Variants in EVI5 observed in about 807,000 individuals in gnomAD.
The protein encoded by EVI5 is ecotropic viral integration site 5, also known as ecotropic viral integration site 5 protein homolog.
Under a neutral mutation model 112.0 loss-of-function variants are expected in EVI5, and 73 were observed. The ratio of observed to expected loss-of-function variants is 0.65; its 90% confidence interval spans 0.54 to 0.79. The LOEUF (loss-of-function observed/expected upper bound fraction) is 0.79, where lower values mean the gene tolerates loss of function less well. Ranked by LOEUF, EVI5 falls within the 30% of genes least tolerant of loss-of-function variation. The pLI is 0.00. For synonymous variants in EVI5, 305 were observed against 319.9 expected, an observed-to-expected ratio of 0.95 and a Z score of 0.50; for missense variants, 900 against 968.8, an observed-to-expected ratio of 0.93 and a Z score of 0.94.
At chr1:92,600,534 G>A (rs897257670) in intron 18 of EVI5, among the ~76,000 whole-genome samples, 2 of 152,132 alleles carry the variant, frequency 1.3e-5, no homozygotes, top group African/African-American at 4.8e-5. Flanking sequence ...ACAATTAGTG[G>A]TCCCCAACCT....
chr1:92,715,766 G>T (rs767280253), intron 2 of EVI5, among the ~76,000 whole-genome samples: 19 of 152,110 alleles, frequency 1.2e-4, no homozygotes, highest in Non-Finnish European at 2.6e-4. Context: ...CAAATATTGT[G>T]CTTTTCCAAC....
intron 1 of EVI5, among the ~76,000 whole-genome samples, chr1:92,755,580 T>C (rs1365425257): frequency 3.3e-5 from 5 of 152,180 alleles, no homozygotes; most frequent in Non-Finnish European, 7.3e-5. Context: ...GACTCAGAAA[T>C]CTGTCCCAAT....
chr1:92,561,618 T>C (rs986557696), intron 19 of EVI5, among the ~76,000 whole-genome samples: 15 of 126,978 alleles, frequency 1.2e-4, no homozygotes, highest in South Asian at 2.5e-4. Context: ...CCTATCTATC[T>C]ATCTATCTAT....
At chr1:92,520,464 G>A (rs1328944883) in intron 19 of EVI5, among the ~76,000 whole-genome samples, 3 of 152,116 alleles carry the variant, frequency 2.0e-5, no homozygotes, top group African/African-American at 7.2e-5. Flanking sequence ...TTAGTAGCAT[G>A]GTGGGATAAA....
At chr1:92,559,169 G>T (rs901926116) in intron 19 of EVI5, among the ~76,000 whole-genome samples, 1 of 152,112 alleles carries the variant, frequency 6.6e-6, no homozygotes, top group African/African-American at 2.4e-5. Context: ...ATACTGTATT[G>T]TTTAGGGAAT....
At position 92,732,670 on chromosome 1, in the gene EVI5, G is replaced by A. The variant is rs549790017; in HGVS notation, c.149+3728C>T. On this transcript the variant is annotated intron_variant, in intron 2 of 19. Coordinates refer to ENST00000684568, the MANE Select transcript of EVI5 (RefSeq NM_001350197.2). ...AATCCTGGCACTTTGGGAGGCTGAG[G>A]AGGGCGGATCACAAGGTCAGGAGTT... is the stretch of plus-strand genomic sequence containing the variant. 560 of 155,262 alleles carry A rather than the reference G, an allele frequency of 3.6e-3. 2 individuals are homozygous for A. Among genetic ancestry groups the A allele is most frequent in the Non-Finnish European group, 5.9e-3 (417 of 70,402 alleles). The allele number at this position is 155,262 out of a possible 1,614,324, so 9.6% of individuals were successfully genotyped here. A position where few individuals can be genotyped will look rare whatever the true frequency, so the allele number is the denominator to read the frequency against.
In EVI5 at chr1:92,662,668, T is replaced by C. The variant is rs142577981; in HGVS notation, c.1392+51A>G. The C allele has an allele frequency of 1.0e-5, 11 of 1,094,690 alleles. No individual in the cohort carries two copies. The East Asian group carries it at 5.6e-4, about 56-fold the overall frequency. The allele number at this position is 1,094,690 out of a possible 1,614,324, so 67.8% of individuals were successfully genotyped here. A position where few individuals can be genotyped will look rare whatever the true frequency, so the allele number is the denominator to read the frequency against. On this transcript the variant is annotated intron_variant, in intron 13 of 19. Transcript: ENST00000684568. ...TCTGTGCTATGAAAAAAAAAATGAT[T>C]GAAAGGAAGGGGGATGAGAAAGATG...
intron 18 of EVI5, among the ~76,000 whole-genome samples, chr1:92,592,915 G>A (rs180807032): frequency 1.9e-4 from 29 of 152,294 alleles, no homozygotes; most frequent in African/African-American, 7.0e-4. Context: ...CTCTGAAATT[G>A]AGGCAATAAT....
At chr1:92,656,768 A>C (rs186496031) in intron 13 of EVI5, among the ~76,000 whole-genome samples, 1 of 152,366 alleles carries the variant, frequency 6.6e-6, no homozygotes, top group East Asian at 1.9e-4. Flanking sequence ...CTACACTCAC[A>C]CTAGAAAACC....
At chr1:92,592,432 G>A (rs1412967753) in intron 18 of EVI5, among the ~76,000 whole-genome samples, 1 of 152,130 alleles carries the variant, frequency 6.6e-6, no homozygotes, top group East Asian at 1.9e-4. Context: ...TGTGTAGAGG[G>A]AAATTTATAG....
intron 19 of EVI5, among the ~76,000 whole-genome samples, chr1:92,525,048 G>C (rs1026095211): frequency 6.6e-6 from 1 of 151,946 alleles, no homozygotes; most frequent in African/African-American, 2.4e-5. Flanking sequence ...GGCTGCTCTC[G>C]AACTCCTGAT....
chr1:92,631,121 C>CAT (rs1479864049), intron 14 of EVI5, among the ~76,000 whole-genome samples: 5 of 152,030 alleles, frequency 3.3e-5, no homozygotes, highest in Admixed American at 6.5e-5. Flanking sequence ...TGTGATGCCT[C>CAT]CAGCTTTGTT....
intron 19 of EVI5, among the ~76,000 whole-genome samples, chr1:92,550,781 AATATATATAT>A (rs1330757944): frequency 0.023 from 466 of 20,338 alleles, 10 homozygotes; most frequent in South Asian, 0.038. Flanking sequence ...AAAAAAAAAA[AATATATATAT>A]ATATATATAT....
intron 10 of EVI5, among the ~76,000 whole-genome samples, chr1:92,669,710 T>C (rs1162285389): frequency 5.9e-5 from 9 of 152,112 alleles, no homozygotes; most frequent in Admixed American, 4.6e-4. Context: ...ATACTTTTAT[T>C]TTTATTTCAA....
At position 92,606,933 on chromosome 1, in the gene EVI5, C is replaced by A. The variant is rs199502994; in HGVS notation, c.1974+648G>T. 2.3e-3 allele frequency among the ~76,000 whole-genome samples: 349 copies of A among 149,900 alleles called. 8 individuals are homozygous for A. In the East Asian group the frequency reaches 0.042, roughly 18 times the overall value. ...ACACACACACACACACCCCCCCAAA[C>A]CCTCCCTCCTCTCCTTCCATCTCAC... On this transcript the variant is annotated intron_variant, in intron 17 of 19. Coordinates refer to ENST00000684568, the MANE Select transcript of EVI5 (RefSeq NM_001350197.2).
chr1:92,545,691 C>A (rs1329522395), intron 19 of EVI5, among the ~76,000 whole-genome samples: 1 of 152,150 alleles, frequency 6.6e-6, no homozygotes. Context: ...AAAAGCTTTA[C>A]TTTCAGCCAT....
At chr1:92,628,171 T>C (rs1458537314) in intron 14 of EVI5, among the ~76,000 whole-genome samples, 1 of 152,218 alleles carries the variant, frequency 6.6e-6, no homozygotes. Flanking sequence ...GCCCACTTTT[T>C]GATGAGATTG....
intron 1 of EVI5, among the ~76,000 whole-genome samples, chr1:92,743,577 A>C (rs1678777848): frequency 6.6e-6 from 1 of 152,144 alleles, no homozygotes; most frequent in Non-Finnish European, 1.5e-5. Context: ...AAGATGAAAA[A>C]ATTATAGAGA....
intron 18 of EVI5, among the ~76,000 whole-genome samples, chr1:92,592,236 C>T (rs897919054): frequency 2.8e-4 from 43 of 152,214 alleles, no homozygotes; most frequent in African/African-American, 9.9e-4. Context: ...GAGCGAGACT[C>T]CGTCTCAGAA....
Sources: allele counts gnomAD v4.1 joint callset (sites outside exome capture counted in the v4.1 genomes callset), GRCh38; gene constraint gnomAD v4.1.1; transcripts MANE v1.5; gene names NCBI Gene and HGNC (gene_info 2026-07-23, HGNC 2026-07-21).